PRMT8: variants seen among roughly 807,000 people sequenced by gnomAD.
The protein encoded by PRMT8 is protein arginine methyltransferase 8.
A neutral mutation model predicts 47.1 loss-of-function variants in PRMT8; 7 were observed. That is an observed-to-expected ratio of 0.15 (90% CI 0.08 to 0.28). PRMT8 has a LOEUF of 0.28. PRMT8 is among the 10% of genes least tolerant of loss of function. PRMT8 has a pLI of 1.00. For synonymous variants in PRMT8, 188 were observed against 186.5 expected (o/e 1.01, Z -0.07); for missense variants, 237 against 505.4 (o/e 0.47, Z 5.09).
rs1299654710 is a variant in PRMT8, at chr12:3,570,839, C to T, written c.712+1275C>T. ...GTCTCTGGTTGCTGTCTGCCTCCAGCCAATCTGGTGTGATTTCCACTATTT... is the reference window on the plus strand; with the variant it reads ...GTCTCTGGTTGCTGTCTGCCTCCAGTCAATCTGGTGTGATTTCCACTATTT... On this transcript the variant is annotated intron_variant, in intron 6 of 9. Coordinates refer to ENST00000382622, the MANE Select transcript of PRMT8 (RefSeq NM_019854.5). The surrounding 1 kb of genome is among the most constrained non-coding windows in gnomAD (Gnocchi z 5.5). Among the ~76,000 whole-genome samples, 1 of 152,166 alleles carries T rather than the reference C, an allele frequency of 6.6e-6. No individual in the cohort carries two copies. Among genetic ancestry groups the T allele is most frequent in the East Asian group, 1.9e-4 (1 of 5,192 alleles).
intron 1 of PRMT8, among the ~76,000 whole-genome samples, chr12:3,484,748 C>T (rs1178672423): frequency 6.6e-6 from 1 of 152,264 alleles, no homozygotes; most frequent in African/African-American, 2.4e-5. Flanking sequence ...CAGCCTCCCT[C>T]ACACTTTGAA....
At position 3,452,536 on chromosome 12, in the gene PRMT8, G is replaced by A. The variant is rs181026288; in HGVS notation, c.48+71094G>A. Among the ~76,000 whole-genome samples the A allele has an allele frequency of 5.0e-3, 763 of 152,304 alleles. 8 individuals are homozygous for A. Among genetic ancestry groups the A allele is most frequent in the African/African-American group, 0.017 (719 of 41,560 alleles). ...GGGCTGGGGGATCACCTGTCCAGGG[G>A]CAGAACCTGGGTTAGGTGGCCTCTT... On this transcript the variant is annotated intron_variant, in intron 1 of 9. Coordinates refer to the PRMT8 transcript ENST00000452611.
At chr12:3,510,694 T>C (rs956195701) in intron 1 of PRMT8, among the ~76,000 whole-genome samples, 1 of 152,208 alleles carries the variant, frequency 6.6e-6, no homozygotes, top group Non-Finnish European at 1.5e-5. Flanking sequence ...TGGCTTTTCT[T>C]GGAGGCTTAA....
intron 1 of PRMT8, among the ~76,000 whole-genome samples, chr12:3,405,605 C>T (rs551183202): frequency 1.3e-5 from 2 of 152,322 alleles, no homozygotes; most frequent in South Asian, 4.1e-4. Flanking sequence ...GTAAATTCAC[C>T]TGTTCCAAAT....
chr12:3,553,971 C>T (rs991881814), intron 4 of PRMT8, among the ~76,000 whole-genome samples: 1 of 152,144 alleles, frequency 6.6e-6, no homozygotes, highest in East Asian at 1.9e-4. Flanking sequence ...GTTGCCAGAC[C>T]CTTTGCTTGT....
At chr12:3,516,023 A>G (rs1865787048) in intron 1 of PRMT8, among the ~76,000 whole-genome samples, 1 of 152,200 alleles carries the variant, frequency 6.6e-6, no homozygotes, top group Non-Finnish European at 1.5e-5. Flanking sequence ...GTATCCGCCA[A>G]TAGTTGACCC....
At position 3,572,667 on chromosome 12, in the gene PRMT8, A is replaced by C. The variant is rs11062726; in HGVS notation, c.712+3103A>C. Among the ~76,000 whole-genome samples, 11,290 of 152,278 alleles carry C rather than the reference A, an allele frequency of 0.074. 592 individuals carry two copies. Among genetic ancestry groups the C allele is most frequent in the Non-Finnish European group, 0.1 (6,962 of 68,014 alleles). On this transcript the variant is annotated intron_variant, in intron 6 of 9. Transcript: ENST00000382622. The surrounding 1 kb of genome is among the most constrained non-coding windows in gnomAD (Gnocchi z 5.9). ...GCAAGGATTCCACTTTCTTCATGAG[A>C]GCCTAAAATGTGTCAATCTAGTGTA... is the stretch of plus-strand genomic sequence containing the variant.
At chr12:3,395,796 A>G (rs1864243039) in intron 1 of PRMT8, among the ~76,000 whole-genome samples, 1 of 151,482 alleles carries the variant, frequency 6.6e-6, no homozygotes, top group Non-Finnish European at 1.5e-5. Context: ...TGATCTGTCT[A>G]ATGTTGACAG....
Position 3,575,881 on chromosome 12 carries a change from T to C in PRMT8, c.713-990T>C, listed in dbSNP as rs534855472. Reference sequence around the variant, plus strand: ...TAAAAATACAAAAATTAACCCGGCATGGTGGCGGGTGCCTGTAATCCCAGC... The same window carrying C: ...TAAAAATACAAAAATTAACCCGGCACGGTGGCGGGTGCCTGTAATCCCAGC... On this transcript the variant is annotated intron_variant, in intron 6 of 9. Transcript: ENST00000382622. Among the ~76,000 whole-genome samples the C allele has an allele frequency of 1.6e-4, 24 of 152,238 alleles. No individual in the cohort carries two copies. The South Asian group carries it at 4.8e-3, about 30-fold the overall frequency.
At chr12:3,397,931 C>T (rs1157514553) in intron 1 of PRMT8, among the ~76,000 whole-genome samples, 4 of 152,176 alleles carry the variant, frequency 2.6e-5, no homozygotes, top group Admixed American at 2.0e-4. Flanking sequence ...TTTTTTAAGC[C>T]CGTCGGAAAA....
chr12:3,458,218 TCA>T (rs556133513), intron 1 of PRMT8, among the ~76,000 whole-genome samples: 140 of 152,328 alleles, frequency 9.2e-4, no homozygotes, highest in African/African-American at 2.9e-3. Flanking sequence ...GCTCTGTGAC[TCA>T]GTTTTCATGG....
At chr12:3,451,055 C>A (rs889976991) in intron 1 of PRMT8, among the ~76,000 whole-genome samples, 1 of 64,904 alleles carries the variant, frequency 1.5e-5, no homozygotes, top group Non-Finnish European at 3.8e-5. Context: ...CCCCCCCCCC[C>A]GCCGAAAGGT....
Position 3,555,965 on chromosome 12 carries a change from T to C in PRMT8, c.481+2251T>C, listed in dbSNP as rs925802562. ...GGATGGGACCTGAGGATGCATTGAG[T>C]GTGGGGATGAGAAAAAAGAGAGAAG... is the stretch of plus-strand genomic sequence containing the variant. On this transcript the variant is annotated intron_variant, in intron 4 of 9. Transcript: ENST00000382622. Among the ~76,000 whole-genome samples, 22 of 136,036 alleles carry C rather than the reference T, an allele frequency of 1.6e-4. 3 individuals carry two copies. The highest frequency in any genetic ancestry group is 9.7e-5 in the Non-Finnish European group (6 of 62,014). The allele number at this position is 136,036 out of a possible 152,430, so 89.2% of individuals were successfully genotyped here.
chr12:3,512,974 T>C (rs1165003736), intron 1 of PRMT8, among the ~76,000 whole-genome samples: 2 of 152,158 alleles, frequency 1.3e-5, no homozygotes, highest in African/African-American at 2.4e-5. Context: ...TTCAGGAGAC[T>C]GGGGCTGTTG....
chr12:3,496,214 A>ATATATATATATATATATATATT, intron 1 of PRMT8, among the ~76,000 whole-genome samples: 1 of 27,770 alleles, frequency 3.6e-5, no homozygotes, highest in African/African-American at 8.8e-5. Context: ...ATATATATAT[A>ATATATATATATATATATATATT]TTTTTTTTTT....
chr12:3,412,572 C>T (rs1864441805), intron 1 of PRMT8, among the ~76,000 whole-genome samples: 1 of 152,052 alleles, frequency 6.6e-6, no homozygotes, highest in South Asian at 2.1e-4. Context: ...AAATATTTTC[C>T]TTTTTTATAT....
upstream of PRMT8, among the ~76,000 whole-genome samples, chr12:3,489,312 C>T (rs992666596): frequency 6.6e-6 from 1 of 151,882 alleles, no homozygotes; most frequent in Non-Finnish European, 1.5e-5. Context: ...AGCTCCCCTC[C>T]TCCCTGGTTA....
chr12:3,496,837 C>T (rs939149319), intron 1 of PRMT8, among the ~76,000 whole-genome samples: 4 of 152,032 alleles, frequency 2.6e-5, no homozygotes, highest in Non-Finnish European at 5.9e-5. Flanking sequence ...AAACCATAGT[C>T]CATGTGACTT....
intron 1 of PRMT8, among the ~76,000 whole-genome samples, chr12:3,419,647 CCA>C (rs1190949302): frequency 1.3e-5 from 2 of 152,216 alleles, no homozygotes; most frequent in East Asian, 3.9e-4. Flanking sequence ...TCTCTGTCTA[CCA>C]CAGAGCCTAC....
Sources: gnomAD v4.1 joint callset for allele counts (sites outside exome capture counted in the v4.1 genomes callset) on GRCh38, gnomAD v4.1.1 for gene constraint, Gnocchi (gnomAD v3.1) non-coding constraint, MANE v1.5 for transcripts, NCBI Gene and HGNC (gene_info 2026-07-23, HGNC 2026-07-21) for gene names.